KIAA1328: variants seen among roughly 807,000 people sequenced by gnomAD.
KIAA1328 encodes the protein protein hinderin.
KIAA1328 carries 52 observed loss-of-function variants against 68.1 expected under a neutral mutation model. That is an observed-to-expected ratio of 0.76 (90% CI 0.61 to 0.96). KIAA1328 has a LOEUF of 0.96. Ranked by LOEUF, KIAA1328 falls within the 40% of genes least tolerant of loss-of-function variation. The pLI is 0.00. For missense variants in KIAA1328, 641 were observed against 677.6 expected (o/e 0.95, Z 0.60); for synonymous variants, 232 against 239.4 (o/e 0.97, Z 0.28).
chr18:36,829,302 C>G (rs747842174), intron 1 of KIAA1328, 106 bp downstream of exon 1: 5 of 1,416,650 alleles, frequency 3.5e-6, no homozygotes, highest in South Asian at 1.5e-5. Context: ...CCGAACTAAC[C>G]CCGGGGATGG....
intron 6 of KIAA1328, among the ~76,000 whole-genome samples, chr18:37,023,153 C>T (rs1257330167): frequency 6.6e-6 from 1 of 152,212 alleles, no homozygotes; most frequent in Non-Finnish European, 1.5e-5. Flanking sequence ...GCCTTGGCCT[C>T]CCCAAGTGCT....
intron 7 of KIAA1328, among the ~76,000 whole-genome samples, chr18:37,076,700 A>G (rs974220391): frequency 1.3e-5 from 2 of 151,940 alleles, no homozygotes; most frequent in African/African-American, 4.8e-5. Flanking sequence ...AGACTACTAC[A>G]AACACCTCTA....
At chr18:37,220,970 G>A (rs1023065953) in intron 9 of KIAA1328, among the ~76,000 whole-genome samples, 3 of 152,158 alleles carry the variant, frequency 2.0e-5, no homozygotes, top group African/African-American at 4.8e-5. Flanking sequence ...GGGGCTACAG[G>A]CACATGCCAC....
At chr18:36,843,200 CAT>C (rs769696751) in intron 3 of KIAA1328, among the ~76,000 whole-genome samples, 1 of 152,160 alleles carries the variant, frequency 6.6e-6, no homozygotes, top group Non-Finnish European at 1.5e-5. Flanking sequence ...GACGTTTGCA[CAT>C]GAATGGTTTG....
At chr18:36,955,449 AC>A (rs1261606039) in intron 5 of KIAA1328, among the ~76,000 whole-genome samples, 1 of 151,718 alleles carries the variant, frequency 6.6e-6, no homozygotes, top group Non-Finnish European at 1.5e-5. Flanking sequence ...AGCTGGGATG[AC>A]AGGTGCCTGC....
At chr18:37,190,501 C>T (rs760317591) in intron 9 of KIAA1328, among the ~76,000 whole-genome samples, 1 of 152,074 alleles carries the variant, frequency 6.6e-6, no homozygotes, top group Non-Finnish European at 1.5e-5. Flanking sequence ...AAGGCATTTC[C>T]TGGAGGATGC....
At chr18:37,072,733 T>C (rs1489121023) in intron 7 of KIAA1328, among the ~76,000 whole-genome samples, 1 of 152,134 alleles carries the variant, frequency 6.6e-6, no homozygotes, top group African/African-American at 2.4e-5. Flanking sequence ...GGTGGTTTGC[T>C]GCACATACTG....
chr18:37,026,285 C>A (rs893014503), intron 6 of KIAA1328, among the ~76,000 whole-genome samples: 6 of 152,000 alleles, frequency 3.9e-5, no homozygotes, highest in Non-Finnish European at 7.4e-5. Context: ...CCAAATTCTA[C>A]CCAGAGGTAC....
chr18:36,961,097 T>C (rs541177069), intron 6 of KIAA1328, among the ~76,000 whole-genome samples: 1 of 152,204 alleles, frequency 6.6e-6, no homozygotes, highest in East Asian at 1.9e-4. Context: ...CTAACTAGAA[T>C]AAACACGGTA....
chr18:37,108,534 G>T (rs1342375089), intron 7 of KIAA1328, among the ~76,000 whole-genome samples: 3 of 152,110 alleles, frequency 2.0e-5, no homozygotes, highest in Admixed American at 6.6e-5. Flanking sequence ...AAAATTATTT[G>T]TAATGAACAG....
intron 3 of KIAA1328, 79 bp downstream of exon 3, chr18:36,835,455 T>C: frequency 3.0e-6 from 4 of 1,327,632 alleles, no homozygotes; most frequent in Non-Finnish European, 3.1e-6. Flanking sequence ...GAAGAACCTT[T>C]GAAAGTATAC....
intron 7 of KIAA1328, among the ~76,000 whole-genome samples, chr18:37,079,079 C>A (rs2056854761): frequency 6.7e-6 from 1 of 149,604 alleles, no homozygotes; most frequent in South Asian, 2.1e-4. Context: ...TGGAACCAAC[C>A]CAAATGTCCA....
At chr18:36,901,092 G>A (rs896707310) in intron 5 of KIAA1328, among the ~76,000 whole-genome samples, 5 of 151,984 alleles carry the variant, frequency 3.3e-5, no homozygotes, top group Non-Finnish European at 7.4e-5. Context: ...AATATTTAGA[G>A]TTCTGCTTCT....
At chr18:36,998,961 G>A (rs917858424) in intron 6 of KIAA1328, among the ~76,000 whole-genome samples, 4 of 152,054 alleles carry the variant, frequency 2.6e-5, no homozygotes, top group Non-Finnish European at 5.9e-5. Context: ...CCCAGATAAA[G>A]AATTCAAAAT....
intron 4 of KIAA1328, among the ~76,000 whole-genome samples, chr18:36,877,333 T>G (rs1389660100): frequency 6.6e-6 from 1 of 152,204 alleles, no homozygotes; most frequent in African/African-American, 2.4e-5. Flanking sequence ...CTCTAAGAAC[T>G]TGCTTTATGA....
Position 36,833,952 on chromosome 18 carries a change from A to G in KIAA1328, c.59-368A>G, listed in dbSNP as rs181296378. ...AGTTCCTCAGTAATGACCAAACTGG[A>G]GCACTTAAGTTTTTGTTTACAAAAG... On this transcript the variant is annotated intron_variant, in intron 1 of 9. Coordinates refer to ENST00000280020, the MANE Select transcript of KIAA1328 (RefSeq NM_020776.3). Among the ~76,000 whole-genome samples, 242 of 152,304 alleles carry G rather than the reference A, an allele frequency of 1.6e-3. 1 individual carries two copies. Among genetic ancestry groups the G allele is most frequent in the African/African-American group, 5.5e-3 (229 of 41,570 alleles).
intron 7 of KIAA1328, among the ~76,000 whole-genome samples, chr18:37,108,196 G>A (rs555949749): frequency 6.6e-6 from 1 of 152,138 alleles, no homozygotes; most frequent in African/African-American, 2.4e-5. Context: ...GCATAAAAAA[G>A]AATGAAGTCA....
chr18:37,190,397 T>C (rs2059883716), intron 9 of KIAA1328, among the ~76,000 whole-genome samples: 1 of 152,170 alleles, frequency 6.6e-6, no homozygotes, highest in African/African-American at 2.4e-5. Flanking sequence ...GAGAAAAATA[T>C]ATATTAAAGT....
intron 7 of KIAA1328, among the ~76,000 whole-genome samples, chr18:37,141,424 T>A (rs2058762124): frequency 6.6e-6 from 1 of 152,222 alleles, no homozygotes; most frequent in Non-Finnish European, 1.5e-5. Context: ...GTTTCAGTAT[T>A]CCATTACTTT....
Sources: allele counts gnomAD v4.1 joint callset (sites outside exome capture counted in the v4.1 genomes callset), GRCh38; gene constraint gnomAD v4.1.1; transcripts MANE v1.5; gene names NCBI Gene and HGNC (gene_info 2026-07-23, HGNC 2026-07-21).